Variants in PRKAG2 observed in about 807,000 individuals in gnomAD.
The protein encoded by PRKAG2 is 5'-AMP-activated protein kinase subunit gamma-2.
A neutral mutation model predicts 69.6 loss-of-function variants in PRKAG2; 26 were observed. The ratio of observed to expected loss-of-function variants is 0.37; its 90% CI spans 0.27 to 0.52. The LOEUF is 0.52. Ranked by LOEUF, PRKAG2 falls within the 20% of genes least tolerant of loss-of-function variation. The pLI, the probability that PRKAG2 is intolerant of heterozygous loss-of-function variation, is 0.90. For synonymous variants in PRKAG2, 293 were observed against 285.0 expected (o/e 1.03, Z -0.28); for missense variants, 557 against 740.0 (o/e 0.75, Z 2.87).
chr7:151,743,751 G>A (rs997498322), intron 3 of PRKAG2, among the ~76,000 whole-genome samples: 2 of 152,156 alleles, frequency 1.3e-5, no homozygotes, highest in Non-Finnish European at 1.5e-5. Context: ...CTCCATGCTC[G>A]GCATCCCTGG....
chr7:151,590,115 G>C (rs968083254), intron 6 of PRKAG2, among the ~76,000 whole-genome samples: 1 of 152,182 alleles, frequency 6.6e-6, no homozygotes, highest in Non-Finnish European at 1.5e-5. Context: ...GCCATCATCT[G>C]TGCCTGTGAT....
rs1411663715 is a variant in PRKAG2 at position 151,807,030 on chromosome 7, C to T, written c.115-20489G>A. 1 of 452,566 alleles carries T rather than the reference C, an allele frequency of 2.2e-6. No individual in the cohort carries two copies. The highest frequency in any genetic ancestry group is 2.0e-5 in the African/African-American group (1 of 49,652). 28.0% of individuals were successfully genotyped at this position (452,566 alleles called of 1,614,324 possible). ...TCAGAATTGCGCTGGACATGGGATA[C>T]ACAAAGGTAAGACATGGACCCACCC... On this transcript the variant is annotated intron_variant, in intron 1 of 15. Transcript: ENST00000287878. This position sits in a 1 kb window ranked among gnomAD's most constrained non-coding sequence, Gnocchi z 4.4.
At chr7:151,581,682 A>T (rs1810505140) in intron 6 of PRKAG2, among the ~76,000 whole-genome samples, 2 of 152,100 alleles carry the variant, frequency 1.3e-5, no homozygotes, top group African/African-American at 4.8e-5. Context: ...AAATGATCAC[A>T]TATAGATCCA....
chr7:151,591,690 G>A (rs769756769), intron 6 of PRKAG2, among the ~76,000 whole-genome samples: 2 of 152,040 alleles, frequency 1.3e-5, no homozygotes, highest in African/African-American at 2.4e-5. Flanking sequence ...AGAGGCCCAG[G>A]GCACGATCAG....
rs1041331206 is a variant in PRKAG2 at position 151,850,335 on chromosome 7, G to C, written c.114+26172C>G. 5.3e-5 allele frequency among the ~76,000 whole-genome samples: 8 copies of C among 152,230 alleles called. No homozygotes were observed. The highest frequency in any genetic ancestry group is 1.7e-4 in the African/African-American group (7 of 41,472). ...GTCCAGAAGGTTTCTCCTGGAAGGAGGGATCAAATCTGTCTAAGCTCCGAA... is the reference window on the plus strand; with the variant it reads ...GTCCAGAAGGTTTCTCCTGGAAGGACGGATCAAATCTGTCTAAGCTCCGAA... On this transcript the variant is annotated intron_variant, in intron 1 of 15. Coordinates refer to ENST00000287878, the MANE Select transcript of PRKAG2 (RefSeq NM_016203.4). This position sits in a 1 kb window ranked among gnomAD's most constrained non-coding sequence, Gnocchi z 4.1.
At chr7:151,707,470 G>T (rs928239478) in intron 3 of PRKAG2, among the ~76,000 whole-genome samples, 1 of 152,056 alleles carries the variant, frequency 6.6e-6, no homozygotes, top group Non-Finnish European at 1.5e-5. Context: ...CCTTGAGCCT[G>T]CATTTCAGCT....
chr7:151,867,905 G>A (rs1025480458), intron 1 of PRKAG2, among the ~76,000 whole-genome samples: 2 of 152,110 alleles, frequency 1.3e-5, no homozygotes, highest in Non-Finnish European at 2.9e-5. Context: ...CAGCACAGTG[G>A]AGGTCACTGC....
chr7:151,634,610 A>AAAAAT (rs747515516), intron 4 of PRKAG2, among the ~76,000 whole-genome samples: 2 of 152,256 alleles, frequency 1.3e-5, no homozygotes, highest in Non-Finnish European at 2.9e-5. Flanking sequence ...AAGGAATAGC[A>AAAAAT]AAAATAAAAT....
At chr7:151,712,818 T>C (rs922900393) in intron 3 of PRKAG2, among the ~76,000 whole-genome samples, 9 of 152,254 alleles carry the variant, frequency 5.9e-5, no homozygotes, top group Non-Finnish European at 1.2e-4. Flanking sequence ...TTCTGAGGCC[T>C]CGTGGAGATT....
intron 4 of PRKAG2, among the ~76,000 whole-genome samples, chr7:151,668,469 G>A (rs958024550): frequency 6.6e-6 from 1 of 152,232 alleles, no homozygotes; most frequent in Non-Finnish European, 1.5e-5. Context: ...TATAGAATAT[G>A]TCCTCGATTC....
chr7:151,587,392 C>A (rs915642438), intron 6 of PRKAG2, among the ~76,000 whole-genome samples: 6 of 152,176 alleles, frequency 3.9e-5, no homozygotes, highest in African/African-American at 1.2e-4. Flanking sequence ...TCAGCCCTCA[C>A]GGAGGTGAAG....
intron 1 of PRKAG2, among the ~76,000 whole-genome samples, chr7:151,801,179 T>A (rs1261449519): frequency 6.6e-6 from 1 of 152,094 alleles, no homozygotes; most frequent in Non-Finnish European, 1.5e-5. Context: ...AGAGGTCAAT[T>A]CTTCCTGTAT....
intron 3 of PRKAG2, among the ~76,000 whole-genome samples, chr7:151,769,730 C>T (rs1397137199): frequency 2.0e-5 from 3 of 152,188 alleles, no homozygotes; most frequent in African/African-American, 7.2e-5. Flanking sequence ...ACGGATGCTG[C>T]AGCCGCATCT....
At position 151,585,804 on chromosome 7, in the gene PRKAG2, C is replaced by T. The variant is rs983500502; in HGVS notation, c.865-9352G>A. 1.3e-5 allele frequency among the ~76,000 whole-genome samples: 2 copies of T among 152,184 alleles called. 1 individual carries two copies. The highest frequency in any genetic ancestry group is 4.8e-5 in the African/African-American group (2 of 41,430). On this transcript the variant is annotated intron_variant, in intron 6 of 15. Coordinates refer to ENST00000287878, the MANE Select transcript of PRKAG2 (RefSeq NM_016203.4). ...CGTACCCCCAGTTTCTCAGCTGGGG[C>T]TCCCCAGAAGGCAGAGTGTATTTGG...
intron 3 of PRKAG2, among the ~76,000 whole-genome samples, chr7:151,714,415 C>T (rs1016845125): frequency 3.5e-5 from 5 of 144,610 alleles, no homozygotes; most frequent in Non-Finnish European, 6.0e-5. Context: ...GGCGGCAGGG[C>T]TTCCCGGAGA....
At chr7:151,693,381 G>A (rs62478181) in intron 3 of PRKAG2, among the ~76,000 whole-genome samples, 13,324 of 152,146 alleles carry the variant, frequency 0.088, 612 homozygotes, top group South Asian at 0.17. Flanking sequence ...ACTCATCCCA[G>A]AGAGGAGTTT....
At chr7:151,700,654 C>A (rs1486253930) in intron 3 of PRKAG2, among the ~76,000 whole-genome samples, 3 of 152,242 alleles carry the variant, frequency 2.0e-5, no homozygotes, top group South Asian at 2.1e-4. Context: ...ACCCTGAGAG[C>A]CACCTGCTGT....
chr7:151,729,682 A>G (rs537711679), intron 3 of PRKAG2, among the ~76,000 whole-genome samples: 4 of 152,188 alleles, frequency 2.6e-5, no homozygotes, highest in African/African-American at 9.6e-5. Flanking sequence ...CCTACCTGCC[A>G]GAGACCGGCT....
rs530233261 is a variant in PRKAG2, at chr7:151,736,040, C to T, written c.466+45112G>A. 4 of 1,535,674 alleles carry T rather than the reference C, an allele frequency of 2.6e-6. No individual in the cohort carries two copies. In the African/African-American group the frequency reaches 4.1e-5, roughly 16 times the overall value. On this transcript the variant is annotated intron_variant, in intron 3 of 15. Coordinates refer to ENST00000287878, the MANE Select transcript of PRKAG2 (RefSeq NM_016203.4). ...TGGCGACAGGTGAACATATCAGGAC[C>T]CACAGAACCGGTGTCAGCCCCAGGT... is the stretch of plus-strand genomic sequence containing the variant.
Sources: gnomAD v4.1 joint callset for allele counts (sites outside exome capture counted in the v4.1 genomes callset) on GRCh38, gnomAD v4.1.1 for gene constraint, Gnocchi (gnomAD v3.1) non-coding constraint, MANE v1.5 for transcripts, NCBI Gene and HGNC (gene_info 2026-07-23, HGNC 2026-07-21) for gene names.